Variants in TNS1 observed in about 807,000 individuals in gnomAD.
TNS1 encodes tensin-1.
A neutral mutation model predicts 168.6 loss-of-function variants in TNS1; 62 were observed. The observed-to-expected ratio is 0.37, with a 90% confidence interval of 0.30 to 0.45. The LOEUF is 0.45. TNS1 is among the 20% of genes least tolerant of loss of function. The pLI, the probability that TNS1 is intolerant of heterozygous loss-of-function variation, is 1.00. For missense variants in TNS1, 2,240 were observed against 2,339.4 expected, an observed-to-expected ratio of 0.96 and a Z score of 0.88; for synonymous variants, 934 against 933.2, an observed-to-expected ratio of 1.00 and a Z score of -0.02.
At chr2:217,886,339 T>C (rs969922711) in intron 13 of TNS1, among the ~76,000 whole-genome samples, 195 bp downstream of exon 13, 9 of 152,226 alleles carry the variant, frequency 5.9e-5, no homozygotes, top group African/African-American at 1.9e-4. Flanking sequence ...TCCAACATCA[T>C]TGGCCAGCAG....
chr2:218,027,193 C>A (rs533174542), intron 1 of TNS1, among the ~76,000 whole-genome samples: 37 of 152,282 alleles, frequency 2.4e-4, no homozygotes, highest in African/African-American at 7.5e-4. Flanking sequence ...CCCTACACCC[C>A]CCTGTCGTCT....
intron 3 of TNS1, among the ~76,000 whole-genome samples, chr2:217,971,996 T>C (rs1042471875): frequency 6.6e-6 from 1 of 152,220 alleles, no homozygotes; most frequent in African/African-American, 2.4e-5. Context: ...TCAGAAAGCT[T>C]TGTTGATCTC....
At chr2:217,999,913 G>A (rs192546424) in intron 1 of TNS1, among the ~76,000 whole-genome samples, 15 of 152,314 alleles carry the variant, frequency 9.8e-5, no homozygotes, top group African/African-American at 3.6e-4. Flanking sequence ...CTGGCTCAGG[G>A]CAGAGCCAAA....
At chr2:218,003,200 GC>G (rs141236455), upstream of TNS1, among the ~76,000 whole-genome samples, 3,124 of 150,492 alleles carry the variant, frequency 0.021, 124 homozygotes, top group African/African-American at 0.072. Context: ...CCCAGGCCGT[GC>G]CCCCCACCCC....
At chr2:217,920,468 A>G (rs1955602783) in intron 3 of TNS1, among the ~76,000 whole-genome samples, 1 of 152,146 alleles carries the variant, frequency 6.6e-6, no homozygotes, top group African/African-American at 2.4e-5. Context: ...TGAGCGTCAC[A>G]ATTAAAATTC....
chr2:217,936,632 T>A (rs1224415781), intron 3 of TNS1, among the ~76,000 whole-genome samples: 1 of 152,080 alleles, frequency 6.6e-6, no homozygotes, highest in Non-Finnish European at 1.5e-5. Flanking sequence ...CAAATGCCCT[T>A]CCTAAATCAC....
chr2:217,985,143 T>C (rs1185359369), intron 2 of TNS1, among the ~76,000 whole-genome samples: 1 of 151,958 alleles, frequency 6.6e-6, no homozygotes, highest in Non-Finnish European at 1.5e-5. Flanking sequence ...ACAATTCTTC[T>C]TTTCCCAAGG....
intron 10 of TNS1, 96 bp downstream of exon 10, chr2:217,893,343 C>G: frequency 3.4e-6 from 5 of 1,469,002 alleles, no homozygotes; most frequent in Non-Finnish European, 2.7e-6. Flanking sequence ...TAGGCAGGTA[C>G]ACACAATCAT....
intron 3 of TNS1, among the ~76,000 whole-genome samples, chr2:217,961,254 C>CAT (rs1347056666): frequency 7.7e-6 from 1 of 130,128 alleles, no homozygotes; most frequent in Admixed American, 7.7e-5. Flanking sequence ...CACACACACA[C>CAT]ACACACAGAG....
intron 28 of TNS1, 91 bp from the exon 29 acceptor site, chr2:217,810,410 GC>G: frequency 3.1e-6 from 4 of 1,277,968 alleles, no homozygotes; most frequent in South Asian, 2.4e-5. Context: ...CAACTCTTTG[GC>G]AGAAGGAACG....
intron 2 of TNS1, among the ~76,000 whole-genome samples, chr2:217,981,484 G>A (rs778427670): frequency 3.9e-5 from 6 of 152,228 alleles, no homozygotes; most frequent in Non-Finnish European, 8.8e-5. Flanking sequence ...ACGCTATGCT[G>A]AGTGCTTCCT....
chr2:217,993,782 A>G (rs1958419248), intron 1 of TNS1, among the ~76,000 whole-genome samples: 1 of 152,236 alleles, frequency 6.6e-6, no homozygotes, highest in East Asian at 1.9e-4. Flanking sequence ...CCTGATTTTG[A>G]TAGCGGGGCT....
chr2:218,004,969 C>A (rs1958646530), upstream of TNS1, among the ~76,000 whole-genome samples: 1 of 152,234 alleles, frequency 6.6e-6, no homozygotes, highest in African/African-American at 2.4e-5. Flanking sequence ...CCCGTCTCCC[C>A]TGGCTGGAGC....
At chr2:217,899,793 C>T (rs901491436) in intron 7 of TNS1, among the ~76,000 whole-genome samples, 4 of 152,206 alleles carry the variant, frequency 2.6e-5, no homozygotes, top group Non-Finnish European at 4.4e-5. Context: ...GGAGGGGATC[C>T]TCTAAGGAGC....
chr2:217,987,127 A>T (rs1206436156), intron 2 of TNS1: 1 of 152,224 alleles, frequency 6.6e-6, no homozygotes, highest in Non-Finnish European at 1.5e-5. Flanking sequence ...AAGCAGGGCC[A>T]GAAGTAGAGC....
intron 30 of TNS1, among the ~76,000 whole-genome samples, chr2:217,809,392 G>GTGC (rs1940148341): frequency 1.6e-5 from 2 of 127,960 alleles, no homozygotes; most frequent in Non-Finnish European, 3.4e-5. Context: ...TGGATGGATG[G>GTGC]ATGGATGGAT....
chr2:217,946,185 G>A (rs6753621), intron 3 of TNS1, among the ~76,000 whole-genome samples: 55,592 of 152,008 alleles, frequency 0.37, 13,143 homozygotes, highest in African/African-American at 0.68. Flanking sequence ...AGCATTCAGG[G>A]CTCAATTCAG....
chr2:217,906,273 CACCCCATT>C, intron 6 of TNS1, 54 bp downstream of exon 6: 1 of 656,014 alleles, frequency 1.5e-6, no homozygotes, highest in Non-Finnish European at 2.8e-6. Context: ...CCTCCCACCC[CACCCCATT>C]CCCCCTGGCC....
intron 2 of TNS1, among the ~76,000 whole-genome samples, chr2:217,989,357 G>C (rs191978253): frequency 6.6e-5 from 10 of 152,322 alleles, no homozygotes; most frequent in Admixed American, 6.5e-4. Context: ...GGAGACAGGA[G>C]AAGGCAAAGG....
Sources: gnomAD v4.1 joint callset for allele counts (sites outside exome capture counted in the v4.1 genomes callset) on GRCh38, gnomAD v4.1.1 for gene constraint, MANE v1.5 for transcripts, NCBI Gene and HGNC (gene_info 2026-07-23, HGNC 2026-07-21) for gene names.